TMEFF2: variants seen among roughly 807,000 people sequenced by gnomAD.
The protein encoded by TMEFF2 is transmembrane protein with EGF like and two follistatin like domains 2.
Under a neutral mutation model 53.8 loss-of-function variants are expected in TMEFF2, and 28 were observed. The ratio of observed to expected loss-of-function variants is 0.52; its 90% CI spans 0.39 to 0.71. TMEFF2 has a LOEUF of 0.71. TMEFF2 is among the 30% of genes least tolerant of loss of function. The pLI, the probability that TMEFF2 is intolerant of heterozygous loss-of-function variation, is 0.00. For missense variants in TMEFF2, 353 were observed against 455.2 expected (o/e 0.78, Z 2.04); for synonymous variants, 162 against 166.3 (o/e 0.97, Z 0.20).
intron 7 of TMEFF2, among the ~76,000 whole-genome samples, chr2:191,982,343 C>T (rs1011842024): frequency 6.6e-5 from 10 of 151,872 alleles, no homozygotes; most frequent in Non-Finnish European, 1.5e-5. Flanking sequence ...AATGTAATAC[C>T]TAATACAGGT....
Position 191,953,692 on chromosome 2 carries a change from G to A in TMEFF2, c.1015C>T (p.Leu339Phe). ...IQIAVICVVV[L>F]CITRKCPRSN... is the part of the protein sequence containing the mutation. The stretch of plus-strand genomic sequence containing the variant: ...GCTGTTACTGACCTTGTGATGCAGA[G>A]GACCACCACACAGATGACAGCAATC... The change falls in exon 9 of 10, where the codon CTC becomes TTC. Residue 339 changes from leucine to phenylalanine, a missense_variant. Leu to Phe is a conservative substitution (Grantham distance 22). Around this residue, in one of 3 missense-constraint regions of TMEFF2, gnomAD observed 294 missense variants for 397.3 expected, o/e 0.74. Transcript: ENST00000272771. The A allele has an allele frequency of 1.2e-6, 2 of 1,613,518 alleles. No individual in the cohort carries two copies. Among genetic ancestry groups the A allele is most frequent in the Admixed American group, 1.7e-5 (1 of 59,914 alleles).
Position 192,058,162 on chromosome 2 carries a change from AT to A in TMEFF2, c.440-388del, listed in dbSNP as rs1402358238. ...ACTGAAACATATTTAGCATTTTCTT[AT>A]TTCCAGATTATGGACTTTTTCGTTC... On this transcript the variant is annotated intron_variant, in intron 4 of 9. Coordinates refer to ENST00000272771, the MANE Select transcript of TMEFF2 (RefSeq NM_016192.4). Among the ~76,000 whole-genome samples, 7 of 152,250 alleles carry A rather than the reference AT, an allele frequency of 4.6e-5. No individual in the cohort carries two copies. The East Asian group carries it at 1.4e-3, about 29-fold the overall frequency.
chr2:191,951,835 C>T (rs1691894145), intron 9 of TMEFF2, among the ~76,000 whole-genome samples: 1 of 152,120 alleles, frequency 6.6e-6, no homozygotes, highest in Non-Finnish European at 1.5e-5. Context: ...TGTGCTATGC[C>T]TTCCCCTCAA....
At chr2:192,050,885 A>G (rs1265166725) in intron 5 of TMEFF2, among the ~76,000 whole-genome samples, 1 of 152,240 alleles carries the variant, frequency 6.6e-6, no homozygotes, top group African/African-American at 2.4e-5. Context: ...GCTAAAAACT[A>G]TCAACATTTT....
At chr2:192,024,815 A>G (rs1280152087) in intron 5 of TMEFF2, among the ~76,000 whole-genome samples, 1 of 152,246 alleles carries the variant, frequency 6.6e-6, no homozygotes, top group Non-Finnish European at 1.5e-5. Context: ...GAAATGCTGT[A>G]GCATGAAAGT....
At chr2:192,118,278 A>G (rs1454256479) in intron 4 of TMEFF2, among the ~76,000 whole-genome samples, 1 of 152,032 alleles carries the variant, frequency 6.6e-6, no homozygotes, top group Non-Finnish European at 1.5e-5. Context: ...ATCCTCTTCA[A>G]TTGACTACCT....
chr2:192,045,062 G>A (rs769124783), intron 5 of TMEFF2, among the ~76,000 whole-genome samples: 28 of 152,118 alleles, frequency 1.8e-4, no homozygotes, highest in African/African-American at 6.3e-4. Context: ...TCTCTCTCCC[G>A]CCTGCTTCTG....
chr2:192,131,250 C>G (rs1689818209), intron 4 of TMEFF2, among the ~76,000 whole-genome samples: 1 of 149,790 alleles, frequency 6.7e-6, no homozygotes, highest in Non-Finnish European at 1.5e-5. Context: ...GCAAGTACCC[C>G]AACCCCTTCT....
chr2:192,017,677 T>C (rs1686773105), intron 5 of TMEFF2, among the ~76,000 whole-genome samples: 1 of 152,152 alleles, frequency 6.6e-6, no homozygotes, highest in African/African-American at 2.4e-5. Context: ...TAATTCCCCT[T>C]TTTCTCTCTT....
chr2:192,121,202 A>G (rs569589915), intron 4 of TMEFF2, among the ~76,000 whole-genome samples: 21 of 152,318 alleles, frequency 1.4e-4, no homozygotes, highest in African/African-American at 4.8e-4. Flanking sequence ...CGCTAAGAAG[A>G]TAGAAGCAAA....
chr2:192,124,465 G>T (rs1806647), intron 4 of TMEFF2, among the ~76,000 whole-genome samples: 49,191 of 152,118 alleles, frequency 0.32, 10,038 homozygotes, highest in Non-Finnish European at 0.47. Flanking sequence ...AGGCCTGGCA[G>T]AAGTGATGGA....
intron 5 of TMEFF2, among the ~76,000 whole-genome samples, chr2:192,010,735 TG>T (rs1226921100): frequency 6.6e-6 from 1 of 152,192 alleles, no homozygotes. Flanking sequence ...CATCAGAGCT[TG>T]GGCTTGTTAG....
Position 191,950,255 on chromosome 2 carries a change from A to T in TMEFF2, c.*56T>A. On this transcript the variant is annotated 3_prime_UTR_variant, in exon 10 of 10. Coordinates refer to ENST00000272771, the MANE Select transcript of TMEFF2 (RefSeq NM_016192.4). Reference sequence around the variant, plus strand: ...CTTGTCTTATTCTTTTGTCTATAATACTGTATTGTGTAGTCCAAGCTCTCG... The same window carrying T: ...CTTGTCTTATTCTTTTGTCTATAATTCTGTATTGTGTAGTCCAAGCTCTCG... 6.2e-7 allele frequency: 1 copy of T among 1,606,980 alleles called. No individual in the cohort carries two copies. The highest frequency in any genetic ancestry group is 8.5e-7 in the Non-Finnish European group (1 of 1,176,268).
intron 5 of TMEFF2, among the ~76,000 whole-genome samples, chr2:192,033,713 G>A (rs1454582629): frequency 6.6e-6 from 1 of 151,934 alleles, no homozygotes; most frequent in Non-Finnish European, 1.5e-5. Flanking sequence ...AAGATAGGCA[G>A]ATTTTTACAT....
chr2:192,124,314 A>G (rs1415666781), intron 4 of TMEFF2, among the ~76,000 whole-genome samples: 1 of 152,222 alleles, frequency 6.6e-6, no homozygotes, highest in Non-Finnish European at 1.5e-5. Flanking sequence ...TTATGGTTTC[A>G]TTTAGACTGA....
At chr2:192,113,322 T>C (rs1689327475) in intron 4 of TMEFF2, among the ~76,000 whole-genome samples, 2 of 152,194 alleles carry the variant, frequency 1.3e-5, no homozygotes, top group South Asian at 4.1e-4. Flanking sequence ...TGCATATTGA[T>C]ATTTTTCAGT....
intron 5 of TMEFF2, chr2:192,030,603 A>C (rs901142371): frequency 1.1e-4 from 16 of 152,018 alleles, no homozygotes; most frequent in Non-Finnish European, 2.2e-4. Flanking sequence ...AGATTCTGAA[A>C]TTGTGAACTG....
At chr2:191,976,795 C>T (rs979374936) in intron 7 of TMEFF2, among the ~76,000 whole-genome samples, 12 of 152,158 alleles carry the variant, frequency 7.9e-5, no homozygotes, top group Middle Eastern at 3.2e-3. Flanking sequence ...CCATTTAAAA[C>T]GGGTGAAATA....
intron 5 of TMEFF2, chr2:192,031,642 G>A (rs1574306048): frequency 6.6e-6 from 1 of 152,194 alleles, no homozygotes; most frequent in African/African-American, 2.4e-5. Flanking sequence ...AGGTAGAGAG[G>A]CTGAGGTTCA....
Sources: allele counts gnomAD v4.1 joint callset (sites outside exome capture counted in the v4.1 genomes callset), GRCh38; gene constraint gnomAD v4.1.1; regional missense constraint gnomAD v4.1.1; transcripts MANE v1.5; gene names NCBI Gene and HGNC (gene_info 2026-07-23, HGNC 2026-07-21).